TENM2: variants seen among roughly 807,000 people sequenced by gnomAD.
TENM2 encodes teneurin-2.
In TENM2, 52 loss-of-function variants were observed where a neutral mutation model predicts 245.2. The observed-to-expected ratio is 0.21, with a 90% CI of 0.17 to 0.27. The LOEUF (loss-of-function observed/expected upper bound fraction) is 0.27, where lower values mean the gene tolerates loss of function less well. TENM2 is among the 10% of genes least tolerant of loss of function. TENM2 has a pLI of 1.00. For missense variants in TENM2, 3,046 were observed against 3,666.8 expected (o/e 0.83, Z 4.37); for synonymous variants, 1,363 against 1,438.9 (o/e 0.95, Z 1.19).
chr5:167,994,999 G>A (rs372177412), intron 5 of TENM2, among the ~76,000 whole-genome samples: 38 of 152,306 alleles, frequency 2.5e-4, no homozygotes, highest in African/African-American at 8.9e-4. Flanking sequence ...ATTTGGTTTT[G>A]TGTCAGAAAC....
At chr5:168,023,828 T>C (rs1786374422) in intron 5 of TENM2, among the ~76,000 whole-genome samples, 2 of 152,132 alleles carry the variant, frequency 1.3e-5, no homozygotes, top group South Asian at 2.1e-4. Flanking sequence ...CTCTTCATCA[T>C]TGTTTATGTG....
At chr5:167,196,496 A>ATGTG in the TENM2 span, among the ~76,000 whole-genome samples, 2 of 131,362 alleles carry the variant, frequency 1.5e-5, no homozygotes, top group African/African-American at 8.6e-5. Context: ...GTATATATAT[A>ATGTG]TGTGTATATA....
At chr5:167,581,187 G>T (rs1027479211) in intron 2 of TENM2, among the ~76,000 whole-genome samples, 7 of 152,102 alleles carry the variant, frequency 4.6e-5, no homozygotes, top group African/African-American at 1.2e-4. Context: ...GCAGTTTGAG[G>T]TGCTTAATAC....
chr5:166,981,257 C>T, the TENM2 span, among the ~76,000 whole-genome samples: 1 of 151,766 alleles, frequency 6.6e-6, no homozygotes, highest in African/African-American at 2.4e-5. Flanking sequence ...AGAATGAAAG[C>T]TCAGCTTATT....
chr5:167,840,301 C>T (rs1769384529), intron 2 of TENM2, among the ~76,000 whole-genome samples: 1 of 152,198 alleles, frequency 6.6e-6, no homozygotes, highest in East Asian at 1.9e-4. Context: ...GCTAAGCAAA[C>T]AAATGGCTTT....
At chr5:167,013,038 C>A in the TENM2 span, among the ~76,000 whole-genome samples, 1 of 152,086 alleles carries the variant, frequency 6.6e-6, no homozygotes, top group African/African-American at 2.4e-5. Context: ...GGGGCCAGAC[C>A]TTGTGGGCTT....
chr5:167,612,655 G>T (rs1269816774), intron 2 of TENM2, among the ~76,000 whole-genome samples: 4 of 152,120 alleles, frequency 2.6e-5, no homozygotes, highest in Non-Finnish European at 5.9e-5. Flanking sequence ...ATTGGACTCA[G>T]TGAATTGGAT....
At chr5:167,255,427 T>A in the TENM2 span, among the ~76,000 whole-genome samples, 2 of 152,144 alleles carry the variant, frequency 1.3e-5, no homozygotes, top group Non-Finnish European at 2.9e-5. Flanking sequence ...TGTTCTTTCT[T>A]TAAGGCATGC....
At position 168,186,430 on chromosome 5, in the gene TENM2, T is replaced by C. The variant is rs576073402; in HGVS notation, c.2570-3907T>C. 3 of 152,316 alleles carry C rather than the reference T, an allele frequency of 2.0e-5. No homozygotes were observed. In the East Asian group the frequency reaches 5.8e-4, roughly 29 times the overall value. 9.4% of individuals were successfully genotyped at this position (152,316 alleles called of 1,614,324 possible). Reference sequence around the variant, plus strand: ...TAGCTTATGACGTGTATGAGTAGACTAGAACCAGAGCTGTGATTTAGCGTC... The same window carrying C: ...TAGCTTATGACGTGTATGAGTAGACCAGAACCAGAGCTGTGATTTAGCGTC... On this transcript the variant is annotated intron_variant, in intron 13 of 28. Transcript: ENST00000518659.
At chr5:167,257,732 T>C in the TENM2 span, among the ~76,000 whole-genome samples, 1 of 152,076 alleles carries the variant, frequency 6.6e-6, no homozygotes, top group East Asian at 1.9e-4. Context: ...GTACTATAGT[T>C]AAATGGACCA....
At chr5:167,979,862 C>A (rs1205382496) in intron 4 of TENM2, among the ~76,000 whole-genome samples, 1 of 152,130 alleles carries the variant, frequency 6.6e-6, no homozygotes, top group African/African-American at 2.4e-5. Context: ...TGTTGTTTAT[C>A]GAAATCTTGA....
chr5:167,403,837 T>C (rs1417263782), intron 2 of TENM2, among the ~76,000 whole-genome samples: 1 of 151,648 alleles, frequency 6.6e-6, no homozygotes, highest in Non-Finnish European at 1.5e-5. Flanking sequence ...TTGAAATTAG[T>C]ATAGACATAA....
chr5:167,512,312 T>C (rs1770018981), intron 2 of TENM2, among the ~76,000 whole-genome samples: 1 of 152,194 alleles, frequency 6.6e-6, no homozygotes, highest in South Asian at 2.1e-4. Context: ...TAAAAGAATT[T>C]GGCATGGCCC....
chr5:167,991,941 A>G (rs948825831), intron 4 of TENM2, among the ~76,000 whole-genome samples: 5 of 152,234 alleles, frequency 3.3e-5, no homozygotes, highest in Non-Finnish European at 5.9e-5. Flanking sequence ...ATTCTGCCAT[A>G]AAAATGGAAT....
At chr5:167,142,793 G>A in the TENM2 span, among the ~76,000 whole-genome samples, 28 of 152,208 alleles carry the variant, frequency 1.8e-4, no homozygotes, top group East Asian at 3.9e-4. Context: ...TTCGTGATCC[G>A]TCCACCTTGG....
At chr5:168,210,350 AG>A (rs1481428015) in intron 19 of TENM2, among the ~76,000 whole-genome samples, 1 of 152,218 alleles carries the variant, frequency 6.6e-6, no homozygotes, top group Admixed American at 6.5e-5. Flanking sequence ...TTCTTAGGAA[AG>A]AAGTAGGTCA....
chr5:167,536,755 G>A (rs765724852), intron 2 of TENM2, among the ~76,000 whole-genome samples: 5 of 152,194 alleles, frequency 3.3e-5, no homozygotes, highest in Non-Finnish European at 5.9e-5. Flanking sequence ...AGTGGCTCAT[G>A]CCTATATTCC....
At chr5:167,941,684 CAAAAAAAAA>C (rs981805963) in intron 3 of TENM2, among the ~76,000 whole-genome samples, 4 of 110,034 alleles carry the variant, frequency 3.6e-5, no homozygotes, top group South Asian at 6.2e-4. Flanking sequence ...CCATCTCTAC[CAAAAAAAAA>C]AAAAAAAAAA....
At chr5:167,478,183 A>G (rs1276833464) in intron 2 of TENM2, among the ~76,000 whole-genome samples, 1 of 152,242 alleles carries the variant, frequency 6.6e-6, no homozygotes, top group African/African-American at 2.4e-5. Flanking sequence ...TTCTTTAAAA[A>G]TACTGACTAA....
Sources: allele counts gnomAD v4.1 joint callset (sites outside exome capture counted in the v4.1 genomes callset), GRCh38; gene constraint gnomAD v4.1.1; transcripts MANE v1.5; gene names NCBI Gene and HGNC (gene_info 2026-07-23, HGNC 2026-07-21).